The following ANK2 variants were observed in gnomAD, a reference collection of about 807,000 sequenced individuals.
ANK2 encodes ankyrin 2.
In ANK2, 83 loss-of-function variants were observed where a neutral mutation model predicts 360.5. That is an observed-to-expected ratio of 0.23 (90% CI 0.19 to 0.28). ANK2 has a LOEUF of 0.28. Ranked by LOEUF, ANK2 falls within the 10% of genes least tolerant of loss-of-function variation. ANK2 has a pLI of 1.00. For synonymous variants in ANK2, 1,740 were observed against 1,759.5 expected, an observed-to-expected ratio of 0.99 and a Z score of 0.28; for missense variants, 4,201 against 4,795.7, an observed-to-expected ratio of 0.88 and a Z score of 3.66.
At chr4:113,147,245 G>T (rs1031760451) in intron 1 of ANK2, among the ~76,000 whole-genome samples, 5 of 152,268 alleles carry the variant, frequency 3.3e-5, no homozygotes, top group African/African-American at 1.2e-4. Context: ...CACAGGCGAG[G>T]TTTGTAACCA....
the ANK2 span, among the ~76,000 whole-genome samples, chr4:112,800,653 C>CTGGCT: frequency 6.6e-6 from 1 of 152,204 alleles, no homozygotes; most frequent in African/African-American, 2.4e-5. Flanking sequence ...GTCAGCCTCA[C>CTGGCT]TGGCTTTTCT....
intron 1 of ANK2, among the ~76,000 whole-genome samples, chr4:113,086,968 T>C (rs1017363491): frequency 6.6e-6 from 1 of 152,208 alleles, no homozygotes; most frequent in African/African-American, 2.4e-5. Flanking sequence ...AGTACCACTG[T>C]GTATGGCAGG....
chr4:113,148,601 C>A (rs1414389883), intron 1 of ANK2, among the ~76,000 whole-genome samples: 2 of 152,248 alleles, frequency 1.3e-5, no homozygotes, highest in Middle Eastern at 3.4e-3. Flanking sequence ...GAAAACAATA[C>A]TTTTCTGCTA....
intron 2 of ANK2, among the ~76,000 whole-genome samples, chr4:113,179,752 A>C (rs117605740): frequency 6.6e-6 from 1 of 152,220 alleles, no homozygotes. Flanking sequence ...TACTGTTACA[A>C]ACAAGATTAA....
At position 113,369,708 on chromosome 4, in the gene ANK2, A is replaced by C. The variant is rs1417566172; in HGVS notation, c.11513A>C (p.Glu3838Ala). The part of the protein sequence containing the change: ...EPEEPSEHRE[E>A]SSPRKTSLVI... ...GAAGAGCCCTCAGAGCACAGAGAGG[A>C]GAGCTCTCCGCGGAAAACCAGCCTC... Residue 3838 changes from glutamate to alanine, a missense_variant, in exon 43 of 46, where the codon GAG (glutamate) becomes GCG (alanine). This residue lies in a region of ANK2 where 2,642 missense variants were observed against 2,714.5 expected (regional missense o/e 0.97). Coordinates refer to ENST00000357077, the MANE Select transcript of ANK2 (RefSeq NM_001148.6). 1 of 1,614,030 alleles carries C rather than the reference A, an allele frequency of 6.2e-7. No homozygotes were observed. The highest frequency in any genetic ancestry group is 2.2e-5 in the East Asian group (1 of 44,882).
At chr4:112,896,372 T>A (rs1483882731) in intron 1 of ANK2, among the ~76,000 whole-genome samples, 1 of 152,202 alleles carries the variant, frequency 6.6e-6, no homozygotes, top group Non-Finnish European at 1.5e-5. Flanking sequence ...TACTCCTACC[T>A]TCAGTCTGTT....
intron 1 of ANK2, among the ~76,000 whole-genome samples, chr4:112,843,148 T>G (rs545117885): frequency 6.6e-6 from 1 of 152,300 alleles, no homozygotes; most frequent in Non-Finnish European, 1.5e-5. Context: ...TAATCACACA[T>G]GCAAAGTCCC....
chr4:113,333,782 G>C (rs773106664), intron 29 of ANK2, among the ~76,000 whole-genome samples: 1 of 152,110 alleles, frequency 6.6e-6, no homozygotes, highest in South Asian at 2.1e-4. Context: ...AGTTAGCCAG[G>C]GTTGAATTGC....
chr4:113,087,822 T>C (rs2085615179), intron 1 of ANK2, among the ~76,000 whole-genome samples: 1 of 152,184 alleles, frequency 6.6e-6, no homozygotes, highest in Non-Finnish European at 1.5e-5. Context: ...AATATTACTT[T>C]TCAGGAGATG....
intron 2 of ANK2, among the ~76,000 whole-genome samples, chr4:112,945,179 C>T (rs180798917): frequency 3.9e-5 from 6 of 152,238 alleles, no homozygotes; most frequent in Non-Finnish European, 5.9e-5. Context: ...CCTGGCCTGG[C>T]AGTAGGAATA....
the ANK2 span, among the ~76,000 whole-genome samples, chr4:112,811,238 C>G: frequency 8.8e-3 from 1,333 of 151,744 alleles, 12 homozygotes; most frequent in African/African-American, 0.031. Context: ...CGCCCGGCCA[C>G]GAGACTGGAT....
the ANK2 span, among the ~76,000 whole-genome samples, chr4:112,762,412 A>G: frequency 1.3e-5 from 2 of 152,206 alleles, no homozygotes; most frequent in Admixed American, 1.3e-4. Context: ...TGATTTTTTT[A>G]CTTTTTCAAG....
intron 22 of ANK2, among the ~76,000 whole-genome samples, chr4:113,300,903 A>G (rs2074607736): frequency 6.6e-6 from 1 of 152,230 alleles, no homozygotes; most frequent in Non-Finnish European, 1.5e-5. Flanking sequence ...GCAGTATCAC[A>G]TTATGATCAC....
In ANK2 at chr4:113,352,968, G is replaced by A. The variant is rs2095512514; in HGVS notation, c.4427-77G>A. On this transcript the variant is annotated intron_variant, in intron 37 of 45. Coordinates refer to ENST00000357077, the MANE Select transcript of ANK2 (RefSeq NM_001148.6). ...CCACCACAGGAAAAGACGCTGTGTC[G>A]TTTCAGTCCTGATTACATTTGCCAA... The A allele has an allele frequency of 7.9e-6, 12 of 1,517,414 alleles. No individual in the cohort carries two copies. The South Asian group carries it at 1.2e-4, about 15-fold the overall frequency. 94.0% of individuals were successfully genotyped at this position (1,517,414 alleles called of 1,614,324 possible).
intron 1 of ANK2, among the ~76,000 whole-genome samples, chr4:112,828,597 A>G (rs1489332716): frequency 5.9e-5 from 9 of 152,226 alleles, no homozygotes. Context: ...TAGGAAGTAC[A>G]ATTCTAGACA....
At chr4:113,204,864 G>A (rs1562870156) in intron 4 of ANK2, among the ~76,000 whole-genome samples, 2 of 152,122 alleles carry the variant, frequency 1.3e-5, no homozygotes, top group East Asian at 1.9e-4. Flanking sequence ...GGTGTACTGG[G>A]AGGGCGTATC....
chr4:113,255,596 T>C, intron 10 of ANK2, 139 bp from the exon 11 acceptor site: 1 of 799,362 alleles, frequency 1.3e-6, no homozygotes, highest in East Asian at 2.6e-5. Context: ...GTCTGCTGTA[T>C]ATTCTGATGT....
intron 2 of ANK2, among the ~76,000 whole-genome samples, chr4:113,174,856 G>C (rs975499473): frequency 1.3e-5 from 2 of 151,850 alleles, no homozygotes; most frequent in Admixed American, 6.6e-5. Flanking sequence ...TTTCCTTCTT[G>C]ACTATATGCA....
chr4:112,925,610 A>T (rs1405947357), intron 2 of ANK2, among the ~76,000 whole-genome samples: 1 of 152,380 alleles, frequency 6.6e-6, no homozygotes, highest in Non-Finnish European at 1.5e-5. Flanking sequence ...TAGTGATAGT[A>T]AATACCTCAA....
Sources: allele counts gnomAD v4.1 joint callset (sites outside exome capture counted in the v4.1 genomes callset), GRCh38; gene constraint gnomAD v4.1.1; regional missense constraint gnomAD v4.1.1; transcripts MANE v1.5; gene names NCBI Gene and HGNC (gene_info 2026-07-23, HGNC 2026-07-21).